RADX: variants seen among roughly 807,000 people sequenced by gnomAD.
The protein encoded by RADX is RPA-related protein RADX.
In RADX, 36 loss-of-function variants were observed where a neutral mutation model predicts 61.6. That is an observed-to-expected ratio of 0.58 (90% CI 0.45 to 0.77). The LOEUF (loss-of-function observed/expected upper bound fraction) is 0.77. RADX is among the 30% of genes least tolerant of loss of function. RADX has a pLI of 0.00. For synonymous variants in RADX, 272 were observed against 237.9 expected, an observed-to-expected ratio of 1.14 and a Z score of -1.32; for missense variants, 497 against 651.1, an observed-to-expected ratio of 0.76 and a Z score of 2.58.
chrX:106,617,866 T>A (rs978820431), intron 1 of RADX, among the ~76,000 whole-genome samples: 1 of 111,269 alleles, frequency 9.0e-6, no homozygotes, highest in Non-Finnish European at 1.9e-5. Flanking sequence ...TGGAGACAAA[T>A]AAGCATCCCG....
chrX:106,643,778 T>C (rs917547793), intron 10 of RADX, among the ~76,000 whole-genome samples: 1 of 111,873 alleles, frequency 8.9e-6, no homozygotes, highest in Non-Finnish European at 1.9e-5. Flanking sequence ...TGTGGGTCCA[T>C]CTAAATTTTA....
chrX:106,624,958 C>A (rs1927043535), intron 2 of RADX, 132 bp from the exon 3 acceptor site: 1 of 366,467 alleles, frequency 2.7e-6, no homozygotes, highest in African/African-American at 2.6e-5. Flanking sequence ...ACAACTGAAT[C>A]ATTATTAATA....
chrX:106,643,231 C>T (rs925030204), intron 10 of RADX, among the ~76,000 whole-genome samples: 18 of 111,300 alleles, frequency 1.6e-4, no homozygotes, highest in African/African-American at 5.9e-4. Flanking sequence ...GGTTATTAAT[C>T]GCTTGTCAGA....
chrX:106,644,300 C>T (rs1332660871), intron 10 of RADX, among the ~76,000 whole-genome samples: 1 of 111,119 alleles, frequency 9.0e-6, no homozygotes, highest in Non-Finnish European at 1.9e-5. Context: ...ATAGGACTTC[C>T]AGTACTATGC....
At chrX:106,626,057 A>G (rs1015224850) in intron 3 of RADX, among the ~76,000 whole-genome samples, 3 of 111,728 alleles carry the variant, frequency 2.7e-5, no homozygotes, top group African/African-American at 9.7e-5. Context: ...CCTAGTTAGT[A>G]TTGGTATATT....
chrX:106,649,553 C>A (rs12014793), intron 11 of RADX, among the ~76,000 whole-genome samples: 12,298 of 111,305 alleles, frequency 0.11, 1,635 homozygotes, highest in African/African-American at 0.38. Context: ...AATAGTAGTA[C>A]CAGCCATTTA....
chrX:106,646,134 T>C (rs763908450), intron 10 of RADX, among the ~76,000 whole-genome samples: 4 of 111,454 alleles, frequency 3.6e-5, no homozygotes, highest in Non-Finnish European at 7.6e-5. Flanking sequence ...TCCTACGGTT[T>C]TTTGGTTTCC....
chrX:106,667,731 AAC>A (rs1325866609), intron 12 of RADX, among the ~76,000 whole-genome samples: 2 of 112,020 alleles, frequency 1.8e-5, no homozygotes, highest in African/African-American at 6.5e-5. Flanking sequence ...TAATATCAAT[AAC>A]ACACTAATAT....
intron 2 of RADX, 37 bp downstream of exon 2, chrX:106,622,830 T>G: frequency 1.1e-6 from 1 of 877,529 alleles, no homozygotes; most frequent in Non-Finnish European, 1.6e-6. Context: ...AATTTAAAAG[T>G]TATAAATTAT....
At chrX:106,612,822 T>C (rs893458011) in intron 1 of RADX, 99 bp downstream of exon 1, 1 of 900,631 alleles carries the variant, frequency 1.1e-6, no homozygotes, top group African/African-American at 2.0e-5. Context: ...GTATTGTTAA[T>C]TACAAGCCAG....
chrX:106,662,518 T>C (rs16985980), intron 12 of RADX, among the ~76,000 whole-genome samples: 3,150 of 110,345 alleles, frequency 0.029, 121 homozygotes, highest in African/African-American at 0.098. Flanking sequence ...GGAAGGTATC[T>C]GGCGAGAGAA....
At position 106,669,315 on chromosome X, in the gene RADX, C is replaced by T; in HGVS notation, c.2422C>T (p.Pro808Ser). Residue 808 changes from proline to serine, a missense_variant, in exon 13 of 14, where the codon CCA becomes TCA. Physicochemically the swap from Pro to Ser is moderately conservative, Grantham distance 74 (BLOSUM62 -1). Coordinates refer to ENST00000372548, the MANE Select transcript of RADX (RefSeq NM_018015.6). ...AACTGGAAATGACCGATTGCCAGGT[C>T]CAAGAGCGGTTGCAGGTAAAACAAT... ...DTTGNDRLPG[P>S]RAVAGDIIKA... The T allele has an allele frequency of 8.4e-7, 1 of 1,189,616 alleles. No individual in the cohort carries two copies. Among genetic ancestry groups the T allele is most frequent in the South Asian group, 1.9e-5 (1 of 52,953 alleles).
intron 2 of RADX, 102 bp downstream of exon 2, chrX:106,622,895 A>G (rs1375902647): frequency 7.1e-6 from 3 of 421,586 alleles, no homozygotes; most frequent in South Asian, 6.8e-5. Context: ...ATAACATTTC[A>G]TAAGTTCAAT....
rs750335603 is a variant in RADX, at chrX:106,617,008, T to G, written c.643+4285T>G. 5.8e-3 allele frequency among the ~76,000 whole-genome samples: 609 copies of G among 105,836 alleles called. 4 individuals are homozygous for G. The highest frequency in any genetic ancestry group is 0.024 in the Middle Eastern group (5 of 206). 91.9% of individuals were successfully genotyped at this position (105,836 alleles called of 115,157 possible). A position where few individuals can be genotyped will look rare whatever the true frequency, so the allele number is the denominator to read the frequency against. On this transcript the variant is annotated intron_variant, in intron 1 of 13. Coordinates refer to ENST00000372548, the MANE Select transcript of RADX (RefSeq NM_018015.6). ...TGCAATTGGCATTTCTTTGTTTTTTTTGTGTGTGTGGGTTTTTTTTTTTTT... is the reference window on the plus strand; with the variant it reads ...TGCAATTGGCATTTCTTTGTTTTTTGTGTGTGTGTGGGTTTTTTTTTTTTT...
intron 1 of RADX, among the ~76,000 whole-genome samples, chrX:106,615,891 A>G (rs1381913882): frequency 8.9e-6 from 1 of 111,897 alleles, no homozygotes; most frequent in African/African-American, 3.2e-5. Context: ...AATTTGGTCT[A>G]CAGATTTGGT....
rs139029777 is a variant in RADX at position 106,618,513 on chromosome X, G to T, written c.644-4138G>T. ...TGGCAAGCCGGTCACGGTGGCTCATGCCTGTAATCCTAGCATTTTGGGAGA... is the reference window on the plus strand; with the variant it reads ...TGGCAAGCCGGTCACGGTGGCTCATTCCTGTAATCCTAGCATTTTGGGAGA... On this transcript the variant is annotated intron_variant, in intron 1 of 13. Transcript: ENST00000372548. Among the ~76,000 whole-genome samples, 481 of 111,208 alleles carry T rather than the reference G, an allele frequency of 4.3e-3. 3 individuals are homozygous for T. The highest frequency in any genetic ancestry group is 0.015 in the African/African-American group (460 of 30,551).
chrX:106,637,712 T>C (rs1426295018), intron 7 of RADX, 48 bp from the exon 8 acceptor site: 17 of 1,057,956 alleles, frequency 1.6e-5, no homozygotes, highest in Non-Finnish European at 2.1e-5. Flanking sequence ...ATTGTTACAG[T>C]GACATTTTTA....
intron 1 of RADX, among the ~76,000 whole-genome samples, chrX:106,617,832 G>A (rs779744890): frequency 1.2e-4 from 13 of 111,361 alleles, no homozygotes; most frequent in Non-Finnish European, 2.1e-4. Flanking sequence ...AAAAATGGAT[G>A]GGGCAAAAAT....
In RADX at chrX:106,612,645, C is replaced by T. The variant is rs1421310913; in HGVS notation, c.565C>T (p.Leu189=). The T allele has an allele frequency of 8.3e-7, 1 of 1,208,607 alleles. No homozygotes were observed. Among genetic ancestry groups the T allele is most frequent in the Non-Finnish European group, 1.1e-6 (1 of 894,576 alleles). Residue 189 remains leucine (L), a synonymous_variant, in exon 1 of 14, where the codon CTG becomes TTG. Transcript: ENST00000372548. ...TTTAAGAGGCGGGAAGAGTCATTAC[C>T]TGGCGCTGTGGAATAACGAAGATCC... ...RPLRGGKSHY[L]ALWNNEDPYG... is the part of the protein sequence containing the mutation.
Sources: allele counts gnomAD v4.1 joint callset (sites outside exome capture counted in the v4.1 genomes callset), GRCh38; gene constraint gnomAD v4.1.1; transcripts MANE v1.5; gene names NCBI Gene and HGNC (gene_info 2026-07-23, HGNC 2026-07-21).